Variants in SCAPER observed in about 807,000 individuals in gnomAD.
The protein encoded by SCAPER is S phase cyclin A-associated protein in the endoplasmic reticulum.
A neutral mutation model predicts 182.2 loss-of-function variants in SCAPER; 98 were observed. The ratio of observed to expected loss-of-function variants is 0.54; its 90% CI spans 0.46 to 0.64. The LOEUF (loss-of-function observed/expected upper bound fraction) is 0.64. Ranked by LOEUF, SCAPER falls within the 30% of genes least tolerant of loss-of-function variation. The pLI is 0.00. For missense variants in SCAPER, 1,432 were observed against 1,690.0 expected (o/e 0.85, Z 2.68); for synonymous variants, 605 against 564.6 (o/e 1.07, Z -1.01).
intron 20 of SCAPER, among the ~76,000 whole-genome samples, chr15:76,683,775 T>C (rs577576951): frequency 6.6e-6 from 1 of 151,952 alleles, no homozygotes; most frequent in Non-Finnish European, 1.5e-5. Context: ...CATTCAGCAT[T>C]CTTAAAGAAA....
intron 23 of SCAPER, among the ~76,000 whole-genome samples, chr15:76,532,376 G>A (rs560435353): frequency 1.2e-4 from 15 of 127,862 alleles, no homozygotes; most frequent in South Asian, 4.8e-4. Context: ...CCTTTTGTTC[G>A]TTCATTCTTG....
At chr15:76,589,761 G>A (rs564331475) in intron 22 of SCAPER, among the ~76,000 whole-genome samples, 4 of 152,240 alleles carry the variant, frequency 2.6e-5, no homozygotes, top group South Asian at 2.1e-4. Context: ...TTCTCCCTGT[G>A]GTCTTTTCCC....
At chr15:76,731,690 G>A (rs895777075) in intron 16 of SCAPER, among the ~76,000 whole-genome samples, 5 of 152,160 alleles carry the variant, frequency 3.3e-5, no homozygotes, top group African/African-American at 9.7e-5. Flanking sequence ...ATCTATCTCA[G>A]TATATCTCAA....
intron 2 of SCAPER, among the ~76,000 whole-genome samples, chr15:76,870,794 T>A (rs2072664865): frequency 6.6e-6 from 1 of 151,950 alleles, no homozygotes; most frequent in South Asian, 2.1e-4. Flanking sequence ...AAAAATGGGA[T>A]TAGAGCACAT....
chr15:76,377,640 A>G (rs1441007981), intron 28 of SCAPER, among the ~76,000 whole-genome samples: 1 of 152,242 alleles, frequency 6.6e-6, no homozygotes, highest in African/African-American at 2.4e-5. Flanking sequence ...TCTCAAGGCC[A>G]CCCATGCCAA....
chr15:76,581,458 T>C (rs1036030120), intron 22 of SCAPER, among the ~76,000 whole-genome samples: 3 of 152,182 alleles, frequency 2.0e-5, no homozygotes, highest in Non-Finnish European at 4.4e-5. Context: ...AGATCATTCA[T>C]TGTGACCAAA....
chr15:76,838,941 C>G (rs1414452213), intron 5 of SCAPER, among the ~76,000 whole-genome samples: 1 of 152,168 alleles, frequency 6.6e-6, no homozygotes, highest in African/African-American at 2.4e-5. Flanking sequence ...CTTCATTAAG[C>G]ACACTCCAAA....
chr15:76,634,851 TTGTG>T (rs34278755), intron 21 of SCAPER, among the ~76,000 whole-genome samples: 36 of 150,080 alleles, frequency 2.4e-4, no homozygotes, highest in Admixed American at 5.3e-4. Context: ...GTGTGGGTAT[TTGTG>T]TGTGTGTGTG....
intron 15 of SCAPER, among the ~76,000 whole-genome samples, chr15:76,735,357 A>C (rs979892944): frequency 7.2e-5 from 11 of 152,102 alleles, no homozygotes; most frequent in African/African-American, 2.2e-4. Flanking sequence ...TGGGCAACAG[A>C]GTGAGACCCT....
At chr15:76,849,000 C>T (rs2070434936) in intron 4 of SCAPER, among the ~76,000 whole-genome samples, 2 of 152,194 alleles carry the variant, frequency 1.3e-5, no homozygotes, top group South Asian at 4.1e-4. Context: ...GCCACTGCCA[C>T]AGTAACAGTG....
chr15:76,867,022 A>C (rs1211581523), intron 2 of SCAPER, among the ~76,000 whole-genome samples: 2 of 152,216 alleles, frequency 1.3e-5, no homozygotes, highest in African/African-American at 4.8e-5. Flanking sequence ...CAAATCTTAC[A>C]GTACATAATC....
intron 21 of SCAPER, among the ~76,000 whole-genome samples, chr15:76,662,651 T>C (rs2056285555): frequency 6.6e-6 from 1 of 152,086 alleles, no homozygotes; most frequent in African/African-American, 2.4e-5. Flanking sequence ...TGGAATGCAA[T>C]AGAGTCCAGA....
chr15:76,875,816 C>G (rs1179730504), intron 2 of SCAPER, among the ~76,000 whole-genome samples: 1 of 152,190 alleles, frequency 6.6e-6, no homozygotes, highest in African/African-American at 2.4e-5. Flanking sequence ...CTCATAAAGG[C>G]AGTGTGGACC....
intron 20 of SCAPER, among the ~76,000 whole-genome samples, chr15:76,675,695 A>G (rs1431842377): frequency 6.6e-6 from 1 of 152,206 alleles, no homozygotes; most frequent in Non-Finnish European, 1.5e-5. Context: ...CAGGATCCAT[A>G]TACTAACTTG....
chr15:76,481,318 GT>G (rs1420024701), intron 24 of SCAPER, among the ~76,000 whole-genome samples: 1 of 152,170 alleles, frequency 6.6e-6, no homozygotes, highest in Non-Finnish European at 1.5e-5. Flanking sequence ...ACTGTAAGCA[GT>G]TTTAAGAGGA....
At chr15:76,667,656 A>G (rs1159113098) in intron 20 of SCAPER, among the ~76,000 whole-genome samples, 1 of 117,798 alleles carries the variant, frequency 8.5e-6, no homozygotes, top group African/African-American at 3.1e-5. Flanking sequence ...AAAAAAAAAA[A>G]AAAAAACGCT....
At chr15:76,826,486 G>A (rs1282587511) in intron 5 of SCAPER, among the ~76,000 whole-genome samples, 23 of 150,214 alleles carry the variant, frequency 1.5e-4, no homozygotes, top group African/African-American at 5.7e-4. Context: ...TGGGTGCAGC[G>A]CACCAGCATG....
intron 2 of SCAPER, among the ~76,000 whole-genome samples, chr15:76,870,416 C>A (rs2072628491): frequency 6.7e-6 from 1 of 150,332 alleles, no homozygotes; most frequent in Non-Finnish European, 1.5e-5. Flanking sequence ...AAAACAAGTC[C>A]AAAGACTAAA....
chr15:76,404,787 GACACA>G (rs1374001740), intron 26 of SCAPER, 108 bp from the exon 27 acceptor site: 3 of 1,018,182 alleles, frequency 2.9e-6, no homozygotes, highest in Non-Finnish European at 4.0e-6. Flanking sequence ...CAAACATGCA[GACACA>G]ACACAAGTTT....
Sources: allele counts gnomAD v4.1 joint callset (sites outside exome capture counted in the v4.1 genomes callset), GRCh38; gene constraint gnomAD v4.1.1; transcripts MANE v1.5; gene names NCBI Gene and HGNC (gene_info 2026-07-23, HGNC 2026-07-21).